Variants in IL16 observed in about 807,000 individuals in gnomAD.
IL16 encodes pro-interleukin-16.
Under a neutral mutation model 110.1 loss-of-function variants are expected in IL16, and 67 were observed. The observed-to-expected ratio is 0.61, with a 90% CI of 0.50 to 0.75. The LOEUF (loss-of-function observed/expected upper bound fraction) is 0.75. Ranked by LOEUF, IL16 falls within the 30% of genes least tolerant of loss-of-function variation. The pLI is 0.00. For synonymous variants in IL16, 689 were observed against 662.9 expected, an observed-to-expected ratio of 1.04 and a Z score of -0.61; for missense variants, 1,545 against 1,655.0, an observed-to-expected ratio of 0.93 and a Z score of 1.15.
chr15:81,198,977 G>T (rs1156757960), intron 1 of IL16, among the ~76,000 whole-genome samples: 2 of 144,748 alleles, frequency 1.4e-5, no homozygotes, highest in Non-Finnish European at 1.5e-5. Flanking sequence ...CCGAGATCAT[G>T]CCACTGCACT....
chr15:81,225,189 G>A (rs1896745195), intron 1 of IL16, 110 bp from the exon 2 acceptor site: 1 of 847,690 alleles, frequency 1.2e-6, no homozygotes, highest in African/African-American at 1.7e-5. Flanking sequence ...CTGCCCATCT[G>A]TCCTGCTTCA....
In IL16 at chr15:81,292,874, G is replaced by A; in HGVS notation, c.1739G>A (p.Arg580Lys). 1 of 1,614,192 alleles carries A rather than the reference G, an allele frequency of 6.2e-7. No homozygotes were observed. The highest frequency in any genetic ancestry group is 8.5e-7 in the Non-Finnish European group (1 of 1,180,012). Residue 580 changes from arginine (R) to lysine (K), a missense_variant, in exon 12 of 19, where the codon AGA becomes AAA. Around this residue, in one of 3 missense-constraint regions of IL16, gnomAD observed 1,185 missense variants for 1,238.8 expected, o/e 0.96. Transcript: ENST00000683961. ...PESRDSHPPL[R>K]LKKSFEILVR... ...AGCCGGGACAGCCACCCGCCGCTGA[G>A]ACTGAAGAAATCCTTTGAGATTTTG...
chr15:81,255,311 T>C (rs1405456206), intron 2 of IL16, among the ~76,000 whole-genome samples: 1 of 152,236 alleles, frequency 6.6e-6, no homozygotes, highest in Non-Finnish European at 1.5e-5. Context: ...AGCCATCTAA[T>C]GAGCCACTTC....
chr15:81,189,175 G>A (rs1487959831), intron 1 of IL16, among the ~76,000 whole-genome samples: 1 of 149,436 alleles, frequency 6.7e-6, no homozygotes, highest in African/African-American at 2.5e-5. Flanking sequence ...CCAGGCTGGA[G>A]TGCAGTGGCA....
intron 1 of IL16, among the ~76,000 whole-genome samples, chr15:81,224,305 T>A (rs1177618871): frequency 6.6e-6 from 1 of 152,246 alleles, no homozygotes; most frequent in African/African-American, 2.4e-5. Context: ...CCACAATTTG[T>A]TGTTCTGGCC....
At chr15:81,192,543 G>A (rs1895514448), upstream of IL16, among the ~76,000 whole-genome samples, 1 of 152,190 alleles carries the variant, frequency 6.6e-6, no homozygotes, top group Non-Finnish European at 1.5e-5. Flanking sequence ...AGGAGTTTAA[G>A]GCTGCAGTTA....
chr15:81,187,627 C>T (rs1446007177), intron 1 of IL16, among the ~76,000 whole-genome samples: 1 of 152,192 alleles, frequency 6.6e-6, no homozygotes, highest in Non-Finnish European at 1.5e-5. Flanking sequence ...ATGATCACCC[C>T]ATAAAGCTCT....
chr15:81,286,864 G>C (rs1212849928), intron 10 of IL16, among the ~76,000 whole-genome samples: 1 of 152,162 alleles, frequency 6.6e-6, no homozygotes, highest in Non-Finnish European at 1.5e-5. Context: ...GGCTGGGGAG[G>C]CCTCACAATC....
chr15:81,272,451 GT>G (rs1425055819), intron 5 of IL16, among the ~76,000 whole-genome samples: 2 of 152,154 alleles, frequency 1.3e-5, no homozygotes, highest in African/African-American at 2.4e-5. Flanking sequence ...TGAGCTATGA[GT>G]TTATTCTCCC....
At chr15:81,291,222 A>G (rs1455385017) in intron 11 of IL16, among the ~76,000 whole-genome samples, 1 of 152,222 alleles carries the variant, frequency 6.6e-6, no homozygotes, top group Non-Finnish European at 1.5e-5. Flanking sequence ...ATCTGGGGAA[A>G]TGTTCAGAGA....
At chr15:81,216,475 G>T (rs1285986405) in intron 1 of IL16, among the ~76,000 whole-genome samples, 1 of 151,924 alleles carries the variant, frequency 6.6e-6, no homozygotes, top group Non-Finnish European at 1.5e-5. Context: ...CCCACCCCTG[G>T]CTTTTTCTTT....
At position 81,296,925 on chromosome 15, in the gene IL16, C is replaced by T. The variant is rs1049485712; in HGVS notation, c.1903-3C>T. On this transcript the variant is annotated splice_polypyrimidine_tract_variant and splice_region_variant and intron_variant, in intron 12 of 18. Transcript: ENST00000683961. The stretch of plus-strand genomic sequence containing the variant: ...ATGGTCTCGCTTCCTGTTTACACCA[C>T]AGGAAGCGAGAGAGCTGCTGCCACT... 1.0e-5 allele frequency: 16 copies of T among 1,607,250 alleles called. No homozygotes were observed. The highest frequency in any genetic ancestry group is 1.4e-5 in the Non-Finnish European group (16 of 1,176,822).
chr15:81,201,588 T>A (rs1895815495), intron 1 of IL16, among the ~76,000 whole-genome samples: 1 of 152,232 alleles, frequency 6.6e-6, no homozygotes, highest in Non-Finnish European at 1.5e-5. Flanking sequence ...TTTAAGTTTG[T>A]GGTTTTTGTT....
At chr15:81,196,761 G>A (rs1443180236), upstream of IL16, 3 of 910,112 alleles carry the variant, frequency 3.3e-6, no homozygotes, top group Non-Finnish European at 4.1e-6. Flanking sequence ...GGTGGACCTT[G>A]TTCTGAGGCT....
chr15:81,196,589 T>C (rs1895602384), upstream of IL16, among the ~76,000 whole-genome samples: 2 of 152,202 alleles, frequency 1.3e-5, no homozygotes, highest in South Asian at 4.1e-4. Flanking sequence ...GCCAGGCACA[T>C]TGCAGGCACC....
At chr15:81,262,340 T>G (rs993027583) in intron 3 of IL16, among the ~76,000 whole-genome samples, 2 of 152,226 alleles carry the variant, frequency 1.3e-5, no homozygotes, top group African/African-American at 4.8e-5. Context: ...TTTTTTAATG[T>G]GAAAGTTACT....
At chr15:81,195,514 C>T (rs1895574326), upstream of IL16, among the ~76,000 whole-genome samples, 1 of 152,204 alleles carries the variant, frequency 6.6e-6, no homozygotes, top group Non-Finnish European at 1.5e-5. Context: ...CCTACAATGT[C>T]CCCTGTGCCT....
chr15:81,193,611 T>C (rs1243696964), upstream of IL16, among the ~76,000 whole-genome samples: 1 of 152,178 alleles, frequency 6.6e-6, no homozygotes, highest in African/African-American at 2.4e-5. Context: ...GGAAGTCAGC[T>C]AGAATTTTCG....
intron 2 of IL16, among the ~76,000 whole-genome samples, chr15:81,255,343 G>A (rs1035346966): frequency 6.6e-6 from 1 of 152,196 alleles, no homozygotes; most frequent in Non-Finnish European, 1.5e-5. Flanking sequence ...ATGTTGAAGT[G>A]AAGCACATCA....
Sources: allele counts gnomAD v4.1 joint callset (sites outside exome capture counted in the v4.1 genomes callset), GRCh38; gene constraint gnomAD v4.1.1; regional missense constraint gnomAD v4.1.1; transcripts MANE v1.5; gene names NCBI Gene and HGNC (gene_info 2026-07-23, HGNC 2026-07-21).